The following TENM2 variants were observed in gnomAD, a reference collection of about 807,000 sequenced individuals.
TENM2 encodes teneurin transmembrane protein 2.
A neutral mutation model predicts 245.2 loss-of-function variants in TENM2; 52 were observed. That is an observed-to-expected ratio of 0.21 (90% CI 0.17 to 0.27). The LOEUF (loss-of-function observed/expected upper bound fraction) is 0.27, where lower values mean the gene tolerates loss of function less well. Ranked by LOEUF, TENM2 falls within the 10% of genes least tolerant of loss-of-function variation. The pLI, the probability that TENM2 is intolerant of heterozygous loss-of-function variation, is 1.00. For synonymous variants in TENM2, 1,363 were observed against 1,438.9 expected (o/e 0.95, Z 1.19); for missense variants, 3,046 against 3,666.8 (o/e 0.83, Z 4.37).
intron 7 of TENM2, among the ~76,000 whole-genome samples, chr5:168,080,210 A>G (rs950516939): frequency 9.2e-5 from 14 of 152,006 alleles, no homozygotes; most frequent in Middle Eastern, 3.2e-3. Context: ...TTTCTAGTTT[A>G]TTTGCGTAGA....
At chr5:167,056,203 T>G in the TENM2 span, among the ~76,000 whole-genome samples, 324 of 152,018 alleles carry the variant, frequency 2.1e-3, 5 homozygotes, top group East Asian at 0.037. Flanking sequence ...GGTTGATGGA[T>G]TATGTTAATT....
chr5:167,516,110 A>G (rs1186793788), intron 2 of TENM2, among the ~76,000 whole-genome samples: 2 of 152,088 alleles, frequency 1.3e-5, no homozygotes, highest in Non-Finnish European at 2.9e-5. Flanking sequence ...CGTATATAAT[A>G]TTCAGGAAAA....
intron 2 of TENM2, among the ~76,000 whole-genome samples, chr5:167,561,390 T>G (rs13357319): frequency 0.033 from 5,023 of 152,300 alleles, 265 homozygotes; most frequent in African/African-American, 0.11. Flanking sequence ...CTGGTTCCCC[T>G]ATTAATTTCA....
At position 167,321,782 on chromosome 5, in the gene TENM2, C is replaced by T. The variant is rs1041648768; in HGVS notation, c.226+36719C>T. On this transcript the variant is annotated intron_variant, in intron 1 of 28. Transcript: ENST00000518659. ...TGAATCTGTTGTCTTGCTGCCTTGG[C>T]TTATTTTTTTTTTTTTTTTGGGGGG... Among the ~76,000 whole-genome samples the T allele has an allele frequency of 1.8e-3, 106 of 59,760 alleles. 7 individuals carry two copies. The highest frequency in any genetic ancestry group is 3.0e-3 in the Non-Finnish European group (98 of 32,434). The allele number at this position is 59,760 out of a possible 152,430, so 39.2% of individuals were successfully genotyped here.
the TENM2 span, among the ~76,000 whole-genome samples, chr5:167,126,773 C>T: frequency 1.3e-5 from 2 of 152,016 alleles, no homozygotes; most frequent in African/African-American, 4.8e-5. Flanking sequence ...CCAAAGATTA[C>T]CATTTTAAAT....
At chr5:167,425,509 C>G (rs972756551) in intron 2 of TENM2, among the ~76,000 whole-genome samples, 71 of 152,286 alleles carry the variant, frequency 4.7e-4, no homozygotes, top group Admixed American at 7.8e-4. Flanking sequence ...ATTTTAATCT[C>G]TCTCTTTAAT....
the TENM2 span, among the ~76,000 whole-genome samples, chr5:167,046,241 A>G: frequency 2.0e-5 from 3 of 150,902 alleles, no homozygotes; most frequent in South Asian, 2.1e-4. Context: ...TCACACAAAC[A>G]CTCTCAGAGA....
At chr5:167,235,865 G>A in the TENM2 span, among the ~76,000 whole-genome samples, 2,099 of 152,284 alleles carry the variant, frequency 0.014, 42 homozygotes, top group African/African-American at 0.047. Flanking sequence ...TGCATACATG[G>A]TCCCTGAGTC....
intron 2 of TENM2, among the ~76,000 whole-genome samples, chr5:167,681,003 T>C (rs1010824326): frequency 6.6e-6 from 1 of 152,206 alleles, no homozygotes. Context: ...AATGAAGTTG[T>C]GATTTGAGTT....
chr5:167,508,284 G>A (rs183019568), intron 2 of TENM2, among the ~76,000 whole-genome samples: 40 of 152,250 alleles, frequency 2.6e-4, no homozygotes, highest in Admixed American at 4.6e-4. Flanking sequence ...ATGGAAAAAG[G>A]ATTCTGGTAA....
chr5:167,433,838 A>G (rs569604471), intron 2 of TENM2, among the ~76,000 whole-genome samples: 1 of 152,092 alleles, frequency 6.6e-6, no homozygotes, highest in Non-Finnish European at 1.5e-5. Flanking sequence ...AAAGCCTCCT[A>G]ATCTTTAAAT....
the TENM2 span, among the ~76,000 whole-genome samples, chr5:167,202,355 C>A: frequency 6.6e-6 from 1 of 152,100 alleles, no homozygotes; most frequent in African/African-American, 2.4e-5. Flanking sequence ...TCCAGACACA[C>A]CCCGCTTGCA....
At chr5:168,223,202 A>G (rs1344319500) in intron 23 of TENM2, among the ~76,000 whole-genome samples, 1 of 152,210 alleles carries the variant, frequency 6.6e-6, no homozygotes, top group Non-Finnish European at 1.5e-5. Flanking sequence ...TGCTCCCTAA[A>G]GTAGAAACTC....
Position 167,668,595 on chromosome 5 carries a change from G to A in TENM2, c.503-207391G>A, listed in dbSNP as rs188248380. On this transcript the variant is annotated intron_variant, in intron 2 of 28. Transcript: ENST00000518659. ...AGCATAAGGTTTAATTTTCCTTTTT[G>A]CTTTTAAATGATTCCTAAAACCGTT... Among the ~76,000 whole-genome samples, 17 of 152,128 alleles carry A rather than the reference G, an allele frequency of 1.1e-4. No homozygotes were observed. In the East Asian group the frequency reaches 3.3e-3, roughly 29 times the overall value.
chr5:167,001,994 T>TATC, the TENM2 span, among the ~76,000 whole-genome samples: 5 of 152,210 alleles, frequency 3.3e-5, no homozygotes, highest in Non-Finnish European at 7.3e-5. Context: ...TTTGTACTTA[T>TATC]ATCAAATTGA....
chr5:167,618,624 A>G (rs1423206919), intron 2 of TENM2, among the ~76,000 whole-genome samples: 1 of 152,162 alleles, frequency 6.6e-6, no homozygotes, highest in African/African-American at 2.4e-5. Context: ...AAGTCTGTGT[A>G]TAACTATTGC....
chr5:167,252,617 A>G, the TENM2 span, among the ~76,000 whole-genome samples: 1 of 152,136 alleles, frequency 6.6e-6, no homozygotes, highest in Non-Finnish European at 1.5e-5. Flanking sequence ...TTCCCTTTCC[A>G]TTCGTGGCTC....
chr5:167,937,360 T>A (rs1778802613), intron 3 of TENM2, among the ~76,000 whole-genome samples: 1 of 152,210 alleles, frequency 6.6e-6, no homozygotes, highest in East Asian at 1.9e-4. Flanking sequence ...GGGTTGAACA[T>A]TAAGTCCTCA....
At chr5:167,910,940 A>G (rs1776496430) in intron 3 of TENM2, among the ~76,000 whole-genome samples, 1 of 152,242 alleles carries the variant, frequency 6.6e-6, no homozygotes, top group South Asian at 2.1e-4. Flanking sequence ...TATACAATTT[A>G]TGAATACATA....
Sources: gnomAD v4.1 joint callset for allele counts (sites outside exome capture counted in the v4.1 genomes callset) on GRCh38, gnomAD v4.1.1 for gene constraint, MANE v1.5 for transcripts, NCBI Gene and HGNC (gene_info 2026-07-23, HGNC 2026-07-21) for gene names.